PARD3B: variants seen among roughly 807,000 people sequenced by gnomAD.
PARD3B encodes par-3 family cell polarity regulator beta, also known as partitioning defective 3 homolog B.
Under a neutral mutation model 130.2 loss-of-function variants are expected in PARD3B, and 103 were observed. The observed-to-expected ratio is 0.79, with a 90% confidence interval of 0.67 to 0.93. The LOEUF (loss-of-function observed/expected upper bound fraction) is 0.93. Ranked by LOEUF, PARD3B falls within the 40% of genes least tolerant of loss-of-function variation. The pLI, the probability that PARD3B is intolerant of heterozygous loss-of-function variation, is 0.00. For missense variants in PARD3B, 1,609 were observed against 1,499.2 expected (o/e 1.07, Z -1.21); for synonymous variants, 583 against 553.2 (o/e 1.05, Z -0.76).
At chr2:204,888,115 C>T (rs1221343060) in intron 2 of PARD3B, among the ~76,000 whole-genome samples, 2 of 152,022 alleles carry the variant, frequency 1.3e-5, no homozygotes, top group Non-Finnish European at 2.9e-5. Context: ...GGCACAAGCA[C>T]CAGTTTTGCA....
At chr2:205,382,273 A>G (rs2105948190) in intron 18 of PARD3B, among the ~76,000 whole-genome samples, 1 of 152,138 alleles carries the variant, frequency 6.6e-6, no homozygotes, top group Admixed American at 6.6e-5. Context: ...TTTGGAATGT[A>G]GTAGTGAGTT....
chr2:205,374,010 A>G (rs1190436578), intron 18 of PARD3B, among the ~76,000 whole-genome samples: 1 of 152,182 alleles, frequency 6.6e-6, no homozygotes, highest in East Asian at 1.9e-4. Flanking sequence ...TGGAGAGCAC[A>G]CAATAACTGT....
intron 18 of PARD3B, among the ~76,000 whole-genome samples, chr2:205,340,223 C>G (rs1386467628): frequency 2.0e-5 from 3 of 151,920 alleles, no homozygotes; most frequent in Non-Finnish European, 2.9e-5. Context: ...CAGTATTATT[C>G]TGTATAAAGG....
At chr2:205,543,389 A>G (rs2052250052) in intron 21 of PARD3B, among the ~76,000 whole-genome samples, 4 of 152,216 alleles carry the variant, frequency 2.6e-5, no homozygotes, top group Admixed American at 2.6e-4. Flanking sequence ...TTTGGAGTTC[A>G]GTGATATGGC....
intron 1 of PARD3B, among the ~76,000 whole-genome samples, chr2:204,660,512 G>A (rs2035770623): frequency 6.6e-6 from 1 of 152,124 alleles, no homozygotes; most frequent in African/African-American, 2.4e-5. Context: ...CTTTTAAAAA[G>A]TTGCTAATAT....
chr2:204,649,877 C>A (rs1371515834), intron 1 of PARD3B, among the ~76,000 whole-genome samples: 17 of 152,120 alleles, frequency 1.1e-4, no homozygotes, highest in Admixed American at 1.0e-3. Flanking sequence ...CTTGGAGATG[C>A]CGGAGGCAAT....
chr2:205,527,358 TA>T (rs1480831734), intron 21 of PARD3B, among the ~76,000 whole-genome samples: 1 of 152,172 alleles, frequency 6.6e-6, no homozygotes, highest in Non-Finnish European at 1.5e-5. Flanking sequence ...TTTACTGCAG[TA>T]AGGATTTTTT....
intron 2 of PARD3B, among the ~76,000 whole-genome samples, chr2:204,709,067 G>C (rs1272249261): frequency 6.6e-6 from 1 of 152,078 alleles, no homozygotes; most frequent in East Asian, 1.9e-4. Flanking sequence ...TTGGGAGCAA[G>C]CTACTTAGGG....
At chr2:205,054,428 ATATATATATTTTTTTTTTTT>A (rs1699478833) in intron 4 of PARD3B, among the ~76,000 whole-genome samples, 1 of 31,820 alleles carries the variant, frequency 3.1e-5, no homozygotes, top group Non-Finnish European at 5.7e-5. Context: ...ATATATATAT[ATATATATATTTTTTTTTTTT>A]TTTTTTTTTA....
intron 1 of PARD3B, among the ~76,000 whole-genome samples, chr2:204,604,707 T>C (rs1272871193): frequency 6.6e-6 from 1 of 152,170 alleles, no homozygotes; most frequent in African/African-American, 2.4e-5. Context: ...TGAGTGATTT[T>C]GATATAGTAG....
At chr2:205,587,284 G>A (rs1473261816) in intron 22 of PARD3B, among the ~76,000 whole-genome samples, 6 of 152,248 alleles carry the variant, frequency 3.9e-5, no homozygotes, top group South Asian at 2.1e-4. Flanking sequence ...TTATATTTGC[G>A]GTGTAGATTC....
intron 10 of PARD3B, among the ~76,000 whole-genome samples, chr2:205,136,313 A>G (rs1018259232): frequency 1.3e-5 from 2 of 152,134 alleles, no homozygotes; most frequent in East Asian, 1.9e-4. Context: ...GTGTTTCTCA[A>G]TTATATAGAA....
At chr2:204,794,520 G>A (rs912585935) in intron 2 of PARD3B, among the ~76,000 whole-genome samples, 13 of 152,150 alleles carry the variant, frequency 8.5e-5, no homozygotes, top group Middle Eastern at 6.8e-3. Flanking sequence ...ACACTTTGAC[G>A]TGGACAATTC....
chr2:205,272,693 G>T (rs2105804136), intron 16 of PARD3B, among the ~76,000 whole-genome samples: 1 of 152,264 alleles, frequency 6.6e-6, no homozygotes, highest in Non-Finnish European at 1.5e-5. Flanking sequence ...TTGTGGGATG[G>T]CTGCTGCCCC....
rs1696600349 is a variant in PARD3B at position 205,021,586 on chromosome 2, CTCTT to C, written c.395-25994_395-25991del. The stretch of plus-strand genomic sequence containing the variant: ...AGCAACTATATGCTCTCTTCTCTCT[CTCTT>C]CTCTTCTCTCTCTCTCTCTCTCTCT... On this transcript the variant is annotated intron_variant, in intron 3 of 22. Transcript: ENST00000406610. The surrounding 1 kb of genome is among the most constrained non-coding windows in gnomAD (Gnocchi z 4.5). Among the ~76,000 whole-genome samples the C allele has an allele frequency of 6.6e-6, 1 of 150,706 alleles. No individual in the cohort carries two copies. The highest frequency in any genetic ancestry group is 2.4e-5 in the African/African-American group (1 of 40,840).
At chr2:205,323,056 G>A (rs1175424902) in intron 18 of PARD3B, among the ~76,000 whole-genome samples, 4 of 150,698 alleles carry the variant, frequency 2.7e-5, no homozygotes, top group African/African-American at 4.9e-5. Flanking sequence ...GACTACAGGC[G>A]CCCACCACCA....
intron 15 of PARD3B, among the ~76,000 whole-genome samples, chr2:205,234,108 C>T (rs1240171850): frequency 6.6e-6 from 1 of 152,146 alleles, no homozygotes; most frequent in Non-Finnish European, 1.5e-5. Flanking sequence ...ACAATAGTCA[C>T]ATTAAATATA....
chr2:205,569,045 A>G (rs1198842734), intron 22 of PARD3B, among the ~76,000 whole-genome samples: 1 of 152,256 alleles, frequency 6.6e-6, no homozygotes, highest in Admixed American at 6.5e-5. Flanking sequence ...AGCACTGACT[A>G]TAAATCATTT....
chr2:205,065,341 A>T (rs1700302553), intron 4 of PARD3B, among the ~76,000 whole-genome samples: 1 of 152,264 alleles, frequency 6.6e-6, no homozygotes, highest in South Asian at 2.1e-4. Context: ...ACAAAGTGAG[A>T]CATTCTGTTG....
Sources: allele counts gnomAD v4.1 joint callset (sites outside exome capture counted in the v4.1 genomes callset), GRCh38; gene constraint gnomAD v4.1.1; non-coding constraint Gnocchi (gnomAD v3.1); transcripts MANE v1.5; gene names NCBI Gene and HGNC (gene_info 2026-07-23, HGNC 2026-07-21).